Variants in UQCC2 observed in about 807,000 individuals in gnomAD.
The protein encoded by UQCC2 is ubiquinol-cytochrome c reductase complex assembly factor 2.
UQCC2 carries 21 observed loss-of-function variants against 19.9 expected under a neutral mutation model. That is an observed-to-expected ratio of 1.05 (90% CI 0.75 to 1.52). UQCC2 has a LOEUF of 1.52. Among genes scored for constraint, UQCC2 ranks in the 40% most tolerant of loss-of-function variants. The pLI, the probability that UQCC2 is intolerant of heterozygous loss-of-function variation, is 0.00. For synonymous variants in UQCC2, 57 were observed against 60.9 expected (o/e 0.94, Z 0.30); for missense variants, 135 against 157.5 (o/e 0.86, Z 0.76).
intron 1 of UQCC2, among the ~76,000 whole-genome samples, chr6:33,709,766 GA>G (rs796070503): frequency 1.6e-4 from 23 of 142,950 alleles, no homozygotes; most frequent in South Asian, 2.2e-4. Context: ...GGGCTAAGCT[GA>G]AAAAAAAAAA....
chr6:33,697,738 T>C lies in UQCC2; in HGVS notation c.296A>G (p.Glu99Gly). ...KLILSTDTLEELKEIDKGMWK... is the reference protein window; with the variant it reads ...KLILSTDTLEGLKEIDKGMWK... ...CATGCCTTTATCTATTTCCTTAAGCTCTTCCAAGGTGTCTGCAAAAGGGGA... is the reference window on the plus strand; with the variant it reads ...CATGCCTTTATCTATTTCCTTAAGCCCTTCCAAGGTGTCTGCAAAAGGGGA... The change falls in exon 4 of 4, where the codon GAG (glutamate) becomes GGG (glycine). Residue 99 changes from glutamate (E) to glycine (G), a missense_variant. Transcript: ENST00000607484. 1 of 1,613,646 alleles carries C rather than the reference T, an allele frequency of 6.2e-7. No individual in the cohort carries two copies. Among genetic ancestry groups the C allele is most frequent in the Non-Finnish European group, 8.5e-7 (1 of 1,179,874 alleles).
chr6:33,698,257 CTGTGGAGT>C (rs1427333852), intron 3 of UQCC2: 2 of 156,954 alleles, frequency 1.3e-5, no homozygotes, highest in Admixed American at 6.3e-5. Context: ...TCAGCACATG[CTGTGGAGT>C]TGAGCAGGCA....
intron 2 of UQCC2, among the ~76,000 whole-genome samples, chr6:33,700,806 C>T (rs1765631161): frequency 6.6e-6 from 1 of 152,220 alleles, no homozygotes; most frequent in South Asian, 2.1e-4. Context: ...TGCTGCTGCT[C>T]ATGGATCACA....
intron 1 of UQCC2, among the ~76,000 whole-genome samples, chr6:33,710,274 C>T (rs1045681425): frequency 5.9e-5 from 9 of 152,180 alleles, no homozygotes; most frequent in Admixed American, 4.6e-4. Flanking sequence ...ATAGCCCACT[C>T]ACCACATACA....
chr6:33,707,615 G>A (rs1035875293), intron 1 of UQCC2, among the ~76,000 whole-genome samples: 2 of 152,244 alleles, frequency 1.3e-5, no homozygotes, highest in Non-Finnish European at 2.9e-5. Context: ...GCGAAGAGCA[G>A]CAGCTCTTCT....
chr6:33,704,168 T>C (rs1421089182), intron 1 of UQCC2, among the ~76,000 whole-genome samples: 1 of 152,062 alleles, frequency 6.6e-6, no homozygotes, highest in East Asian at 1.9e-4. Flanking sequence ...TAGTAAAGAG[T>C]TGTAGTAAAC....
chr6:33,707,094 A>G (rs1166065648), intron 1 of UQCC2, among the ~76,000 whole-genome samples: 1 of 152,230 alleles, frequency 6.6e-6, no homozygotes, highest in Non-Finnish European at 1.5e-5. Flanking sequence ...CTTCAGGTGG[A>G]GCACTGCAGC....
At chr6:33,708,214 C>T (rs1045588923) in intron 1 of UQCC2, among the ~76,000 whole-genome samples, 1 of 152,156 alleles carries the variant, frequency 6.6e-6, no homozygotes, top group African/African-American at 2.4e-5. Context: ...AAGGTTTGAA[C>T]GGGCAACCAG....
chr6:33,705,682 TC>T (rs1348203244), intron 1 of UQCC2, among the ~76,000 whole-genome samples: 1 of 152,222 alleles, frequency 6.6e-6, no homozygotes, highest in African/African-American at 2.4e-5. Context: ...TCTGTCGAAT[TC>T]CAGAAGCCTC....
intron 1 of UQCC2, among the ~76,000 whole-genome samples, chr6:33,706,379 G>C (rs7770465): frequency 0.42 from 63,477 of 152,164 alleles, 15,685 homozygotes; most frequent in East Asian, 0.86. Context: ...ACTAGGGGAC[G>C]GTGAGGGGCC....
chr6:33,697,769 A>C lies in UQCC2; in HGVS notation c.284-19T>G. On this transcript the variant is annotated intron_variant, in intron 3 of 3. Transcript: ENST00000607484. Reference sequence around the variant, plus strand: ...AAGGTGTCTGCAAAAGGGGAAGACAAAAAGAGAGAGGGACTGAAGTCTAAA... The same window carrying C: ...AAGGTGTCTGCAAAAGGGGAAGACACAAAGAGAGAGGGACTGAAGTCTAAA... The C allele has an allele frequency of 6.3e-7, 1 of 1,599,696 alleles. No individual in the cohort carries two copies. Among genetic ancestry groups the C allele is most frequent in the Non-Finnish European group, 8.6e-7 (1 of 1,169,114 alleles).
intron 1 of UQCC2, 61 bp from the exon 2 acceptor site, chr6:33,701,481 T>C: frequency 6.6e-7 from 1 of 1,525,226 alleles, no homozygotes; most frequent in Non-Finnish European, 9.0e-7. Flanking sequence ...ACAGTGTCTG[T>C]ACCTTGAGGA....
rs763582523 is a variant in UQCC2, at chr6:33,697,764, A to G, written c.284-14T>C. On this transcript the variant is annotated splice_polypyrimidine_tract_variant and intron_variant, in intron 3 of 3. Transcript: ENST00000607484. ...CTTCCAAGGTGTCTGCAAAAGGGGA[A>G]GACAAAAAGAGAGAGGGACTGAAGT... The G allele has an allele frequency of 1.2e-6, 2 of 1,603,638 alleles. No individual in the cohort carries two copies. The highest frequency in any genetic ancestry group is 1.7e-6 in the Non-Finnish European group (2 of 1,172,604).
At chr6:33,709,082 C>G (rs1765734539) in intron 1 of UQCC2, among the ~76,000 whole-genome samples, 1 of 152,218 alleles carries the variant, frequency 6.6e-6, no homozygotes, top group Non-Finnish European at 1.5e-5. Flanking sequence ...AGAGAAAACT[C>G]TTTCCTCCTT....
intron 1 of UQCC2, among the ~76,000 whole-genome samples, chr6:33,703,652 C>T (rs1376198245): frequency 2.0e-5 from 3 of 151,584 alleles, no homozygotes; most frequent in Non-Finnish European, 1.5e-5. Context: ...AAAAAGTTGC[C>T]ACAGTTTATC....
At chr6:33,698,097 G>A (rs1765590126) in intron 3 of UQCC2, 1 of 206,020 alleles carries the variant, frequency 4.9e-6, no homozygotes, top group Admixed American at 5.5e-5. Context: ...CACAGACCCA[G>A]ATGCTTCATC....
In UQCC2 at chr6:33,697,682, T is replaced by C. The variant is rs1463192781; in HGVS notation, c.352A>G (p.Lys118Glu). Residue 118 changes from lysine (K) to glutamate (E), a missense_variant, in exon 4 of 4, where the codon AAG (lysine) becomes GAG (glutamate). By Grantham distance (56) the Lys-to-Glu change is moderately conservative. Coordinates refer to ENST00000607484, the MANE Select transcript of UQCC2 (RefSeq NM_032340.4). ...GCCTTATGATCCTCCTCAGGACCCT[T>C]GGGGGCAAACTTCTCCTGCAGTTTC... ...WKKLQEKFAPKGPEEDHKA is the reference protein window; with the variant it reads ...WKKLQEKFAPEGPEEDHKA 6.2e-7 allele frequency: 1 copy of C among 1,613,994 alleles called. No individual in the cohort carries two copies.
chr6:33,705,071 G>C (rs922148858), intron 1 of UQCC2, among the ~76,000 whole-genome samples: 1 of 145,864 alleles, frequency 6.9e-6, no homozygotes, highest in Admixed American at 7.0e-5. Context: ...TCACTCTGTC[G>C]CCCAGGCTGG....
chr6:33,709,368 T>G (rs1765738227), intron 1 of UQCC2, among the ~76,000 whole-genome samples: 1 of 152,256 alleles, frequency 6.6e-6, no homozygotes, highest in Non-Finnish European at 1.5e-5. Flanking sequence ...CTTTGTCTCA[T>G]GAGCCACAAC....
Sources: allele counts gnomAD v4.1 joint callset (sites outside exome capture counted in the v4.1 genomes callset), GRCh38; gene constraint gnomAD v4.1.1; transcripts MANE v1.5; gene names NCBI Gene and HGNC (gene_info 2026-07-23, HGNC 2026-07-21).